Variants in NRXN1 observed in about 807,000 individuals in gnomAD.
The protein encoded by NRXN1 is neurexin 1.
In NRXN1, 39 loss-of-function variants were observed where a neutral mutation model predicts 150.9. The ratio of observed to expected loss-of-function variants is 0.26; its 90% CI spans 0.20 to 0.34. The LOEUF (loss-of-function observed/expected upper bound fraction) is 0.34. Ranked by LOEUF, NRXN1 falls within the 10% of genes least tolerant of loss-of-function variation. NRXN1 has a pLI of 1.00. For synonymous variants in NRXN1, 924 were observed against 757.0 expected, an observed-to-expected ratio of 1.22 and a Z score of -3.62; for missense variants, 1,815 against 1,949.9, an observed-to-expected ratio of 0.93 and a Z score of 1.30.
chr2:50,750,015 CCA>C (rs980784763), intron 5 of NRXN1, among the ~76,000 whole-genome samples: 2 of 152,158 alleles, frequency 1.3e-5, no homozygotes, highest in African/African-American at 4.8e-5. Flanking sequence ...TCGCTGACAA[CCA>C]CAGTTAGCAT....
chr2:50,630,186 GA>G (rs1189144851), intron 5 of NRXN1, among the ~76,000 whole-genome samples: 1 of 151,330 alleles, frequency 6.6e-6, no homozygotes, highest in Non-Finnish European at 1.5e-5. Context: ...TCAACTTTAA[GA>G]TTTTTTTGAT....
chr2:50,897,949 T>C lies in NRXN1; in HGVS notation c.832+23920A>G, dbSNP rs533696512. On this transcript the variant is annotated intron_variant, in intron 5 of 22. Coordinates refer to ENST00000401669, the MANE Select transcript of NRXN1 (RefSeq NM_001330078.2). ...CAAAAACAAAACATAATAGTCATAA[T>C]TGATCAGAATGGATTGAATAATCAC... Among the ~76,000 whole-genome samples, 110 of 152,334 alleles carry C rather than the reference T, an allele frequency of 7.2e-4. 2 individuals are homozygous for C. The South Asian group carries it at 0.02, about 28-fold the overall frequency.
intron 17 of NRXN1, among the ~76,000 whole-genome samples, chr2:50,368,913 C>G (rs2079800946): frequency 6.6e-6 from 1 of 151,942 alleles, no homozygotes; most frequent in Admixed American, 6.6e-5. Flanking sequence ...TGCCTCTGAA[C>G]ATTTCTTTAG....
rs1312780953 is a variant in NRXN1 at position 50,056,177 on chromosome 2, T to A, written c.3719-1133A>T. Among the ~76,000 whole-genome samples the A allele has an allele frequency of 2.0e-5, 3 of 152,182 alleles. No homozygotes were observed. In the East Asian group the frequency reaches 5.8e-4, roughly 29 times the overall value. ...AAAGAAATGTTGAATGGTAGCACTA[T>A]CTGCATAAAAAGACTGGAGTGTTTT... On this transcript the variant is annotated intron_variant, in intron 19 of 22. Transcript: ENST00000401669.
intron 2 of NRXN1, among the ~76,000 whole-genome samples, chr2:51,015,640 A>G (rs969234018): frequency 1.3e-5 from 2 of 152,018 alleles, no homozygotes; most frequent in Non-Finnish European, 2.9e-5. Flanking sequence ...TAGAATAACA[A>G]TGGATAAACT....
At chr2:50,419,395 G>A (rs1202109312) in intron 17 of NRXN1, among the ~76,000 whole-genome samples, 2 of 151,982 alleles carry the variant, frequency 1.3e-5, no homozygotes, top group Non-Finnish European at 1.5e-5. Context: ...GCATCAGCTG[G>A]ACCCTGACCT....
intron 8 of NRXN1, among the ~76,000 whole-genome samples, chr2:50,576,033 G>A (rs1483801159): frequency 6.6e-6 from 1 of 152,124 alleles, no homozygotes; most frequent in Non-Finnish European, 1.5e-5. Context: ...GAAAAAGACA[G>A]CAGGGAGGGG....
intron 21 of NRXN1, among the ~76,000 whole-genome samples, chr2:49,994,504 A>G (rs199747318): frequency 1.3e-5 from 2 of 152,350 alleles, no homozygotes; most frequent in East Asian, 3.9e-4. Context: ...TTCTACACCC[A>G]TGGATTCCTG....
intron 22 of NRXN1, among the ~76,000 whole-genome samples, chr2:49,926,711 A>G (rs1669172057): frequency 1.3e-5 from 2 of 152,266 alleles, no homozygotes; most frequent in South Asian, 4.1e-4. Flanking sequence ...ATTTTAAACA[A>G]CAACAGGAAA....
At chr2:50,408,516 C>T (rs893390382) in intron 17 of NRXN1, among the ~76,000 whole-genome samples, 1 of 152,202 alleles carries the variant, frequency 6.6e-6, no homozygotes, top group Non-Finnish European at 1.5e-5. Flanking sequence ...GCACTACTTC[C>T]TCTTGCTTAC....
At chr2:50,587,417 G>T (rs1392036740) in intron 8 of NRXN1, among the ~76,000 whole-genome samples, 1 of 152,232 alleles carries the variant, frequency 6.6e-6, no homozygotes, top group Non-Finnish European at 1.5e-5. Context: ...CCCAGGATGG[G>T]GAGGTTGCAG....
At chr2:50,885,383 T>C (rs1021310229) in intron 5 of NRXN1, among the ~76,000 whole-genome samples, 1 of 140,332 alleles carries the variant, frequency 7.1e-6, no homozygotes, top group African/African-American at 2.5e-5. Context: ...AACCATAAAC[T>C]ACCAAAAAAA....
chr2:50,884,216 C>A (rs1679885385), intron 5 of NRXN1, among the ~76,000 whole-genome samples: 1 of 151,706 alleles, frequency 6.6e-6, no homozygotes, highest in Non-Finnish European at 1.5e-5. Flanking sequence ...CACTGAGACT[C>A]CTATCTTATC....
In NRXN1 at chr2:50,852,535, A is replaced by G. The variant is rs566121848; in HGVS notation, c.832+69334T>C. Among the ~76,000 whole-genome samples the G allele has an allele frequency of 7.2e-5, 11 of 152,298 alleles. No individual in the cohort carries two copies. The South Asian group carries it at 1.7e-3, about 23-fold the overall frequency. On this transcript the variant is annotated intron_variant, in intron 5 of 22. Coordinates refer to ENST00000401669, the MANE Select transcript of NRXN1 (RefSeq NM_001330078.2). ...TTGTCAAAAAGAGTCAGGTTCTGGTACAAGATCTTTAACAACTGAATTACT... is the reference window on the plus strand; with the variant it reads ...TTGTCAAAAAGAGTCAGGTTCTGGTGCAAGATCTTTAACAACTGAATTACT...
chr2:50,996,002 T>C (rs887515908), intron 2 of NRXN1, among the ~76,000 whole-genome samples: 2 of 152,068 alleles, frequency 1.3e-5, no homozygotes, highest in Non-Finnish European at 2.9e-5. Context: ...CAAATGTTGG[T>C]CAATGAGGAT....
chr2:50,101,868 A>C (rs1366557114), intron 18 of NRXN1, among the ~76,000 whole-genome samples: 1 of 151,990 alleles, frequency 6.6e-6, no homozygotes, highest in African/African-American at 2.4e-5. Context: ...ATGCTATGTT[A>C]GTTTTCACAA....
chr2:50,710,140 G>A (rs1559153656), intron 5 of NRXN1, among the ~76,000 whole-genome samples: 1 of 152,142 alleles, frequency 6.6e-6, no homozygotes, highest in African/African-American at 2.4e-5. Context: ...GGGTGAACAG[G>A]GAGCTTTCAA....
intron 2 of NRXN1, among the ~76,000 whole-genome samples, chr2:50,966,468 T>G (rs1004687163): frequency 3.3e-5 from 5 of 151,760 alleles, no homozygotes; most frequent in African/African-American, 1.2e-4. Context: ...CCCTGAGCAT[T>G]TATTAGGCAT....
At chr2:50,121,290 G>A (rs563628239) in intron 18 of NRXN1, among the ~76,000 whole-genome samples, 1 of 152,288 alleles carries the variant, frequency 6.6e-6, no homozygotes, top group African/African-American at 2.4e-5. Flanking sequence ...CAAAGTGCTG[G>A]GATTATAGGC....
Sources: gnomAD v4.1 joint callset for allele counts (sites outside exome capture counted in the v4.1 genomes callset) on GRCh38, gnomAD v4.1.1 for gene constraint, MANE v1.5 for transcripts, NCBI Gene and HGNC (gene_info 2026-07-23, HGNC 2026-07-21) for gene names.